Variants in OSBPL6 observed in about 807,000 individuals in gnomAD.
OSBPL6 encodes the protein oxysterol-binding protein-related protein 6.
Under a neutral mutation model 125.8 loss-of-function variants are expected in OSBPL6, and 49 were observed. The observed-to-expected ratio is 0.39, with a 90% CI of 0.31 to 0.49. The LOEUF (loss-of-function observed/expected upper bound fraction) is 0.49, where lower values mean the gene tolerates loss of function less well. Ranked by LOEUF, OSBPL6 falls within the 20% of genes least tolerant of loss-of-function variation. The probability of loss-of-function intolerance (pLI) is 0.88; values close to 1 mark genes in which losing one functional copy is unlikely to be tolerated. For missense variants in OSBPL6, 986 were observed against 1,135.4 expected (o/e 0.87, Z 1.89); for synonymous variants, 394 against 391.8 (o/e 1.01, Z -0.07).
rs569916399 is a variant in OSBPL6 at position 178,285,239 on chromosome 2, C to G, written c.-156+118C>G. On this transcript the variant is annotated intron_variant, in intron 2 of 24. Transcript: ENST00000190611. ...CACAGGAAGGTGTTTCTTTATATCTCTTATTTGTATGTCAGATCTTAAAAT... is the reference window on the plus strand; with the variant it reads ...CACAGGAAGGTGTTTCTTTATATCTGTTATTTGTATGTCAGATCTTAAAAT... The G allele has an allele frequency of 1.8e-5, 7 of 394,088 alleles. 1 individual carries two copies. In the East Asian group the frequency reaches 1.8e-4, roughly 10 times the overall value. The allele number at this position is 394,088 out of a possible 1,614,324, so 24.4% of individuals were successfully genotyped here. A position where few individuals can be genotyped will look rare whatever the true frequency, so the allele number is the denominator to read the frequency against.
chr2:178,289,079 G>A (rs1684997312), intron 2 of OSBPL6, among the ~76,000 whole-genome samples: 1 of 142,996 alleles, frequency 7.0e-6, no homozygotes, highest in African/African-American at 2.6e-5. Context: ...GTAGAGTGGT[G>A]CAATATTGGC....
At chr2:178,356,620 T>C (rs571658447) in intron 12 of OSBPL6, among the ~76,000 whole-genome samples, 9 of 152,326 alleles carry the variant, frequency 5.9e-5, no homozygotes, top group Admixed American at 3.9e-4. Context: ...CATTCCATGC[T>C]CATAGATAGG....
At chr2:178,277,425 T>G (rs1381370299) in intron 1 of OSBPL6, among the ~76,000 whole-genome samples, 1 of 152,022 alleles carries the variant, frequency 6.6e-6, no homozygotes, top group Admixed American at 6.6e-5. Flanking sequence ...AAATGTCAAG[T>G]CCTCCCTGTG....
At chr2:178,259,946 A>AC (rs2092004219) in intron 1 of OSBPL6, among the ~76,000 whole-genome samples, 1 of 152,168 alleles carries the variant, frequency 6.6e-6, no homozygotes. Flanking sequence ...AGAGGATGTG[A>AC]CTGGCCTTGG....
chr2:178,237,477 C>T (rs1452848406), intron 1 of OSBPL6, among the ~76,000 whole-genome samples: 1 of 152,146 alleles, frequency 6.6e-6, no homozygotes, highest in Non-Finnish European at 1.5e-5. Flanking sequence ...CTCTGTTGCC[C>T]ACCCATCTGT....
chr2:178,261,879 A>C (rs1226527365), intron 1 of OSBPL6, among the ~76,000 whole-genome samples: 2 of 152,222 alleles, frequency 1.3e-5, no homozygotes, highest in Non-Finnish European at 2.9e-5. Flanking sequence ...CAGTGTATGA[A>C]TATAAGACAA....
chr2:178,258,849 C>G (rs1276667157), intron 1 of OSBPL6, among the ~76,000 whole-genome samples: 1 of 151,658 alleles, frequency 6.6e-6, no homozygotes, highest in Non-Finnish European at 1.5e-5. Context: ...TTGTGTGTGG[C>G]TTCTTTTATT....
At chr2:178,378,290 A>T (rs1023768824) in intron 15 of OSBPL6, among the ~76,000 whole-genome samples, 1 of 152,214 alleles carries the variant, frequency 6.6e-6, no homozygotes, top group African/African-American at 2.4e-5. Flanking sequence ...CTCCTGCACT[A>T]AAACAGTTCT....
chr2:178,379,285 A>AAAGAAAGAAAG (rs201460212), intron 15 of OSBPL6, among the ~76,000 whole-genome samples: 21,312 of 141,664 alleles, frequency 0.15, 2,091 homozygotes, highest in East Asian at 0.31. Context: ...GAAAGAAAGA[A>AAAGAAAGAAAG]AAGAAAGAAA....
intron 2 of OSBPL6, among the ~76,000 whole-genome samples, chr2:178,298,187 G>A (rs1685931856): frequency 6.6e-6 from 1 of 152,168 alleles, no homozygotes; most frequent in South Asian, 2.1e-4. Context: ...GGGTCCATCT[G>A]TGTCATTACA....
intron 6 of OSBPL6, among the ~76,000 whole-genome samples, chr2:178,332,389 A>G (rs1266621359): frequency 1.3e-5 from 2 of 152,248 alleles, no homozygotes; most frequent in Non-Finnish European, 2.9e-5. Context: ...AAGAATTAGT[A>G]TTACATTCTA....
intron 1 of OSBPL6, among the ~76,000 whole-genome samples, chr2:178,266,473 G>A (rs2092237255): frequency 6.6e-6 from 1 of 152,204 alleles, no homozygotes; most frequent in Non-Finnish European, 1.5e-5. Flanking sequence ...AGCCAGTTCT[G>A]TTATGTCAGC....
intron 1 of OSBPL6, among the ~76,000 whole-genome samples, chr2:178,226,350 T>C (rs1448576136): frequency 6.8e-6 from 1 of 146,944 alleles, no homozygotes; most frequent in Non-Finnish European, 1.5e-5. Context: ...CCTTCCATGC[T>C]GGTGGTGCAG....
intron 1 of OSBPL6, among the ~76,000 whole-genome samples, chr2:178,274,022 T>G (rs2092421724): frequency 6.6e-6 from 1 of 152,214 alleles, no homozygotes; most frequent in Non-Finnish European, 1.5e-5. Flanking sequence ...CCCTTTACAT[T>G]GGGCACGTGG....
At chr2:178,373,772 C>T in intron 14 of OSBPL6, 118 bp from the exon 15 acceptor site, 1 of 1,272,582 alleles carries the variant, frequency 7.9e-7, no homozygotes, top group East Asian at 2.5e-5. Flanking sequence ...GTGAAAATTG[C>T]TTGTGGCTGC....
chr2:178,313,890 C>T (rs972329368), intron 3 of OSBPL6, among the ~76,000 whole-genome samples: 1 of 152,196 alleles, frequency 6.6e-6, no homozygotes, highest in Non-Finnish European at 1.5e-5. Flanking sequence ...CAGCAGATTT[C>T]AGCAGCATCT....
chr2:178,241,994 G>A (rs889671636), intron 1 of OSBPL6, among the ~76,000 whole-genome samples: 14 of 152,178 alleles, frequency 9.2e-5, no homozygotes, highest in Admixed American at 1.3e-4. Context: ...AGGCAATACC[G>A]TACAGGGTGG....
intron 1 of OSBPL6, among the ~76,000 whole-genome samples, chr2:178,203,616 A>G (rs1481520075): frequency 1.1e-4 from 16 of 152,088 alleles, no homozygotes; most frequent in Admixed American, 1.0e-3. Context: ...GTGCCTGGTA[A>G]TTTTTGATTG....
intron 1 of OSBPL6, among the ~76,000 whole-genome samples, chr2:178,219,837 C>T (rs2153968065): frequency 6.6e-6 from 1 of 152,264 alleles, no homozygotes; most frequent in Middle Eastern, 3.4e-3. Flanking sequence ...GACAATAAAT[C>T]CTAGCAGGCT....
Sources: allele counts gnomAD v4.1 joint callset (sites outside exome capture counted in the v4.1 genomes callset), GRCh38; gene constraint gnomAD v4.1.1; transcripts MANE v1.5; gene names NCBI Gene and HGNC (gene_info 2026-07-23, HGNC 2026-07-21).